The following CNST variants were observed in gnomAD, a reference collection of about 807,000 sequenced individuals.
The protein encoded by CNST is consortin.
In CNST, 39 loss-of-function variants were observed where a neutral mutation model predicts 72.4. The observed-to-expected ratio is 0.54, with a 90% CI of 0.42 to 0.70. The LOEUF is 0.70. CNST is among the 30% of genes least tolerant of loss of function. CNST has a pLI of 0.00. For synonymous variants in CNST, 332 were observed against 320.1 expected (o/e 1.04, Z -0.40); for missense variants, 871 against 868.5 (o/e 1.00, Z -0.04).
chr1:246,626,142 C>T (rs113035878), intron 3 of CNST, among the ~76,000 whole-genome samples: 2 of 151,834 alleles, frequency 1.3e-5, no homozygotes, highest in Non-Finnish European at 2.9e-5. Flanking sequence ...CTCCACCTCA[C>T]GGGTTCAAGT....
At chr1:246,652,953 G>A (rs565638268) in intron 9 of CNST, among the ~76,000 whole-genome samples, 13 of 150,882 alleles carry the variant, frequency 8.6e-5, no homozygotes, top group South Asian at 4.2e-4. Flanking sequence ...GCAGTGAGCC[G>A]AGATTGCACC....
intron 2 of CNST, among the ~76,000 whole-genome samples, chr1:246,610,612 AG>A (rs1663252872): frequency 6.6e-6 from 1 of 152,136 alleles, no homozygotes; most frequent in Non-Finnish European, 1.5e-5. Context: ...GCCTTTGTTC[AG>A]GGTTGGCTGT....
chr1:246,608,394 G>A (rs1324369331), intron 2 of CNST, among the ~76,000 whole-genome samples: 1 of 152,166 alleles, frequency 6.6e-6, no homozygotes, highest in African/African-American at 2.4e-5. Context: ...GCATGCTTGG[G>A]CAAATGTCTT....
intron 2 of CNST, chr1:246,606,731 C>T (rs1209973687): frequency 6.6e-6 from 1 of 152,026 alleles, no homozygotes; most frequent in East Asian, 1.9e-4. Context: ...CTTTGGCTTC[C>T]TCCTGCCTTT....
At chr1:246,636,059 C>G (rs540784573) in intron 6 of CNST, among the ~76,000 whole-genome samples, 11 of 152,304 alleles carry the variant, frequency 7.2e-5, no homozygotes, top group African/African-American at 2.6e-4. Flanking sequence ...CTAGGATTGT[C>G]GCATAGTGCA....
At chr1:246,651,489 A>T (rs1445392813) in intron 9 of CNST, among the ~76,000 whole-genome samples, 2 of 152,122 alleles carry the variant, frequency 1.3e-5, no homozygotes, top group Non-Finnish European at 2.9e-5. Flanking sequence ...GCTCCAGTGG[A>T]ATTTGGTTTT....
rs766239884 is a variant in CNST, at chr1:246,634,577, A to G, written c.808A>G (p.Thr270Ala). The change falls in exon 6 of 11, where the codon ACA becomes GCA. Residue 270 changes from threonine (T) to alanine (A), a missense_variant. Physicochemically the swap from Thr to Ala is moderately conservative, Grantham distance 58. Transcript: ENST00000366513. ...TGAACGGCTTACGAAAATTTGTGCA[A>G]CACATCAAGAGTAAGTATATCAGAA... is the stretch of plus-strand genomic sequence containing the variant. ...DFERLTKICA[T>A]HQDPLLSKHK... is the part of the protein sequence containing the mutation. The G allele has an allele frequency of 3.8e-6, 6 of 1,578,746 alleles. No individual in the cohort carries two copies. Among genetic ancestry groups the G allele is most frequent in the Non-Finnish European group, 3.5e-6 (4 of 1,156,104 alleles).
chr1:246,592,100 C>G (rs142612634), intron 2 of CNST, among the ~76,000 whole-genome samples, 159 bp downstream of exon 2: 1 of 152,186 alleles, frequency 6.6e-6, no homozygotes, highest in Non-Finnish European at 1.5e-5. Context: ...GCATGATATT[C>G]CAGTGTGATA....
chr1:246,599,322 A>AG (rs1662103887), intron 2 of CNST, among the ~76,000 whole-genome samples: 1 of 152,246 alleles, frequency 6.6e-6, no homozygotes, highest in Non-Finnish European at 1.5e-5. Context: ...GAAGAATCTG[A>AG]CATGGTTCCT....
At chr1:246,604,259 A>C (rs1662526609) in intron 2 of CNST, among the ~76,000 whole-genome samples, 1 of 152,204 alleles carries the variant, frequency 6.6e-6, no homozygotes. Flanking sequence ...ATCTCAAAAA[A>C]AAGAAAAAAA....
intron 1 of CNST, among the ~76,000 whole-genome samples, chr1:246,571,215 C>A (rs531763096): frequency 6.6e-6 from 1 of 152,200 alleles, no homozygotes; most frequent in Non-Finnish European, 1.5e-5. Flanking sequence ...GGTACGAGAT[C>A]TCAGCTCACT....
At chr1:246,604,584 G>C (rs964424581) in intron 2 of CNST, among the ~76,000 whole-genome samples, 1 of 151,766 alleles carries the variant, frequency 6.6e-6, no homozygotes, top group Non-Finnish European at 1.5e-5. Flanking sequence ...TTCACTGTTT[G>C]GTTTGCTTTG....
At chr1:246,613,442 A>G (rs551988713) in intron 2 of CNST, among the ~76,000 whole-genome samples, 72 of 152,070 alleles carry the variant, frequency 4.7e-4, no homozygotes, top group African/African-American at 1.6e-3. Context: ...TTGTTTCAGT[A>G]ATCGTCTCTG....
rs113798522 is a variant in CNST, at chr1:246,621,012, C to T, written c.380-417C>T. Among the ~76,000 whole-genome samples the T allele has an allele frequency of 3.1e-3, 475 of 152,328 alleles. 3 individuals carry two copies. The highest frequency in any genetic ancestry group is 0.01 in the African/African-American group (428 of 41,572). On this transcript the variant is annotated intron_variant, in intron 2 of 10. Transcript: ENST00000366513. ...AGGCAGATAGTCTATTAAATTTGAACATGAATATTAAAACTGACACTGAGA... is the reference window on the plus strand; with the variant it reads ...AGGCAGATAGTCTATTAAATTTGAATATGAATATTAAAACTGACACTGAGA...
intron 1 of CNST, among the ~76,000 whole-genome samples, chr1:246,584,869 T>A (rs1466260890): frequency 6.6e-6 from 1 of 152,254 alleles, no homozygotes; most frequent in African/African-American, 2.4e-5. Flanking sequence ...GTTTTCTTTT[T>A]TAAATCAAGA....
At chr1:246,568,346 A>G (rs1000750785) in intron 1 of CNST, among the ~76,000 whole-genome samples, 2 of 152,196 alleles carry the variant, frequency 1.3e-5, no homozygotes, top group Admixed American at 1.3e-4. Flanking sequence ...ACATTATAAT[A>G]TTCCCTTTTT....
chr1:246,590,282 G>A lies in CNST; in HGVS notation c.-51-1230G>A, dbSNP rs149459528. On this transcript the variant is annotated intron_variant, in intron 1 of 10. Coordinates refer to ENST00000366513, the MANE Select transcript of CNST (RefSeq NM_152609.3). ...ATCAGCTGACAGGACAGAAAGTTTCGCAGGGCTTCCTCATACGATGTCTGG... is the reference window on the plus strand; with the variant it reads ...ATCAGCTGACAGGACAGAAAGTTTCACAGGGCTTCCTCATACGATGTCTGG... Among the ~76,000 whole-genome samples the A allele has an allele frequency of 2.9e-3, 441 of 152,198 alleles. 4 individuals carry two copies. Among genetic ancestry groups the A allele is most frequent in the African/African-American group, 8.6e-3 (357 of 41,534 alleles).
At chr1:246,646,480 TTTTG>T (rs920659412) in intron 8 of CNST, among the ~76,000 whole-genome samples, 98 of 152,144 alleles carry the variant, frequency 6.4e-4, no homozygotes, top group African/African-American at 2.3e-3. Flanking sequence ...CCATGTCTTT[TTTTG>T]TTTGTTTGTT....
At chr1:246,612,384 G>C (rs1663375391) in intron 2 of CNST, among the ~76,000 whole-genome samples, 1 of 151,938 alleles carries the variant, frequency 6.6e-6, no homozygotes. Context: ...TGTACTTTTA[G>C]TAGAGACGGA....
Sources: allele counts gnomAD v4.1 joint callset (sites outside exome capture counted in the v4.1 genomes callset), GRCh38; gene constraint gnomAD v4.1.1; transcripts MANE v1.5; gene names NCBI Gene and HGNC (gene_info 2026-07-23, HGNC 2026-07-21).